The following CRACDL variants were observed in gnomAD, a reference collection of about 807,000 sequenced individuals.
CRACDL encodes the protein CRACD like, also known as CRACD-like protein.
A neutral mutation model predicts 70.6 loss-of-function variants in CRACDL; 26 were observed. The ratio of observed to expected loss-of-function variants is 0.37; its 90% CI spans 0.27 to 0.51. The LOEUF (loss-of-function observed/expected upper bound fraction) is 0.51, where lower values mean the gene tolerates loss of function less well. Among genes scored for constraint, CRACDL ranks in the 20% least tolerant of loss-of-function variants. CRACDL has a pLI of 0.94. For missense variants in CRACDL, 1,283 were observed against 1,376.9 expected (o/e 0.93, Z 1.08); for synonymous variants, 618 against 615.2 (o/e 1.00, Z -0.07).
chr2:98,905,040 G>A (rs1349142828), intron 1 of CRACDL, among the ~76,000 whole-genome samples: 1 of 152,004 alleles, frequency 6.6e-6, no homozygotes, highest in South Asian at 2.1e-4. Context: ...CACGAGGTCA[G>A]GAGATCGAGA....
At chr2:98,797,571 T>C (rs568638073) in intron 7 of CRACDL, 34 bp from the exon 8 acceptor site, 13 of 1,599,752 alleles carry the variant, frequency 8.1e-6, no homozygotes, top group Non-Finnish European at 1.1e-5. Flanking sequence ...ATAGAAACAG[T>C]CCTATTCCCT....
At chr2:98,833,987 A>G (rs1240807390) in intron 3 of CRACDL, among the ~76,000 whole-genome samples, 1 of 152,220 alleles carries the variant, frequency 6.6e-6, no homozygotes, top group East Asian at 1.9e-4. Flanking sequence ...CACGCCTGCA[A>G]CAGTAAGCTT....
chr2:98,926,352 A>G (rs570927444), intron 1 of CRACDL, among the ~76,000 whole-genome samples: 1 of 152,050 alleles, frequency 6.6e-6, no homozygotes, highest in East Asian at 1.9e-4. Flanking sequence ...AAGGCTGTCC[A>G]CTCCACCTCA....
chr2:98,883,091 A>G (rs1454275511), intron 1 of CRACDL, among the ~76,000 whole-genome samples: 1 of 152,230 alleles, frequency 6.6e-6, no homozygotes, highest in Non-Finnish European at 1.5e-5. Flanking sequence ...TGAGACAGAC[A>G]TAGGCAGACC....
In CRACDL at chr2:98,822,606, G is replaced by T; in HGVS notation, c.1667C>A (p.Ala556Glu). The T allele has an allele frequency of 7.2e-7, 1 of 1,390,818 alleles. No homozygotes were observed. The highest frequency in any genetic ancestry group is 9.3e-7 in the Non-Finnish European group (1 of 1,079,840). 86.2% of individuals were successfully genotyped at this position (1,390,818 alleles called of 1,614,324 possible). ...EAPPAGAERA[A>E]PERKAERGGA... ...GCCCCTCTCCGCCTTCCGCTCTGGC[G>T]CCGCCCTCTCGGCGCCCGCCGGTGG... The change falls in exon 7 of 10, where the codon GCG becomes GAG. Residue 556 changes from alanine (A) to glutamate (E), a missense_variant. Around this residue, in one of 2 missense-constraint regions of CRACDL, gnomAD observed 921 missense variants for 881.9 expected, o/e 1.04. Coordinates refer to ENST00000397899, the MANE Select transcript of CRACDL (RefSeq NM_207362.3). This position sits in a 1 kb window ranked among gnomAD's most constrained non-coding sequence, Gnocchi z 4.9.
chr2:98,913,434 C>A (rs1033166081), intron 1 of CRACDL, among the ~76,000 whole-genome samples: 4 of 152,106 alleles, frequency 2.6e-5, no homozygotes, highest in African/African-American at 7.2e-5. Flanking sequence ...AGGTGTGAGG[C>A]CTGTGGTAGG....
intron 1 of CRACDL, among the ~76,000 whole-genome samples, chr2:98,848,008 C>T (rs1279956300): frequency 2.0e-5 from 3 of 152,160 alleles, no homozygotes; most frequent in South Asian, 4.1e-4. Context: ...AATGTTCATA[C>T]AATTTGGCTT....
chr2:98,912,254 C>T (rs968642741), intron 1 of CRACDL, among the ~76,000 whole-genome samples: 11 of 152,212 alleles, frequency 7.2e-5, no homozygotes, highest in Non-Finnish European at 1.2e-4. Flanking sequence ...AAAGGCAGTT[C>T]GCAAAGAGTG....
At position 98,821,934 on chromosome 2, in the gene CRACDL, G is replaced by A. The variant is rs549707886; in HGVS notation, c.2339C>T (p.Pro780Leu). 3 of 1,569,614 alleles carry A rather than the reference G, an allele frequency of 1.9e-6. No homozygotes were observed. Among genetic ancestry groups the A allele is most frequent in the Non-Finnish European group, 2.6e-6 (3 of 1,162,242 alleles). ...SFTLPHQPAP[P>L]DAGPGEREPR... ...TTCCCGCTCTCCCGGGCCGGCGTCG[G>A]GGGGCGCGGGCTGGTGCGGGAGCGT... Residue 780 changes from proline (P) to leucine (L), a missense_variant, in exon 7 of 10, where the codon CCC becomes CTC. By Grantham distance (98) the Pro-to-Leu change is moderately conservative. Around this residue, in one of 2 missense-constraint regions of CRACDL, gnomAD observed 921 missense variants for 881.9 expected, o/e 1.04. Transcript: ENST00000397899.
chr2:98,927,240 C>T (rs1407601624), intron 1 of CRACDL, among the ~76,000 whole-genome samples: 1 of 152,146 alleles, frequency 6.6e-6, no homozygotes, highest in Non-Finnish European at 1.5e-5. Context: ...TGCGGGTGGA[C>T]GGTGGGAGGT....
chr2:98,809,809 A>G (rs1704481307), intron 7 of CRACDL: 1 of 152,234 alleles, frequency 6.6e-6, no homozygotes. Flanking sequence ...GTACATGTTT[A>G]GGAAAGTATG....
At chr2:98,841,411 C>T (rs1706021306) in intron 2 of CRACDL, among the ~76,000 whole-genome samples, 1 of 152,082 alleles carries the variant, frequency 6.6e-6, no homozygotes, top group South Asian at 2.1e-4. Context: ...TTTGCTTCCT[C>T]TTTCAGTGGT....
chr2:98,878,704 G>A (rs1204566643), intron 1 of CRACDL, among the ~76,000 whole-genome samples: 4 of 152,166 alleles, frequency 2.6e-5, no homozygotes, highest in African/African-American at 7.2e-5. Flanking sequence ...GATGCTCCTC[G>A]ACGTACTATG....
At chr2:98,859,870 T>C (rs1331431656) in intron 1 of CRACDL, among the ~76,000 whole-genome samples, 1 of 152,186 alleles carries the variant, frequency 6.6e-6, no homozygotes, top group Non-Finnish European at 1.5e-5. Context: ...TTAAATTATT[T>C]CTATTTGTAG....
At chr2:98,922,262 C>T (rs768935419) in intron 1 of CRACDL, among the ~76,000 whole-genome samples, 1 of 151,510 alleles carries the variant, frequency 6.6e-6, no homozygotes, top group Non-Finnish European at 1.5e-5. Flanking sequence ...GGTGAAGCCC[C>T]GTCTCTACTA....
At chr2:98,810,045 C>T (rs1047738254) in intron 7 of CRACDL, among the ~76,000 whole-genome samples, 1 of 152,184 alleles carries the variant, frequency 6.6e-6, no homozygotes, top group East Asian at 1.9e-4. Flanking sequence ...TTGCTCCCTC[C>T]CTCATCCCAG....
At chr2:98,825,717 A>G (rs1350885692) in intron 6 of CRACDL, among the ~76,000 whole-genome samples, 2 of 152,238 alleles carry the variant, frequency 1.3e-5, no homozygotes, top group African/African-American at 4.8e-5. Flanking sequence ...CATGCACTGG[A>G]CACACACACC....
At chr2:98,885,526 T>C (rs546354551) in intron 1 of CRACDL, among the ~76,000 whole-genome samples, 2 of 152,244 alleles carry the variant, frequency 1.3e-5, no homozygotes, top group South Asian at 4.1e-4. Flanking sequence ...ATAACTGTCA[T>C]GAAAATATGA....
In CRACDL at chr2:98,831,632, G is replaced by A. The variant is rs1488267977; in HGVS notation, c.540+716C>T. On this transcript the variant is annotated intron_variant, in intron 5 of 9. Transcript: ENST00000397899. ...ACCTATTTTTAACATTTATGTGCAAGTACAGTGTATGGGCATTAAGTGTTC... is the reference window on the plus strand; with the variant it reads ...ACCTATTTTTAACATTTATGTGCAAATACAGTGTATGGGCATTAAGTGTTC... Among the ~76,000 whole-genome samples, 3 of 152,238 alleles carry A rather than the reference G, an allele frequency of 2.0e-5. No individual in the cohort carries two copies. In the East Asian group the frequency reaches 5.8e-4, roughly 29 times the overall value.
Sources: gnomAD v4.1 joint callset for allele counts (sites outside exome capture counted in the v4.1 genomes callset) on GRCh38, gnomAD v4.1.1 for gene constraint, gnomAD v4.1.1 regional missense constraint, Gnocchi (gnomAD v3.1) non-coding constraint, MANE v1.5 for transcripts, NCBI Gene and HGNC (gene_info 2026-07-23, HGNC 2026-07-21) for gene names.